AATK: variants seen among roughly 807,000 people sequenced by gnomAD.
AATK encodes lemur tail kinase 1, also known as serine/threonine-protein kinase LMTK1.
Under a neutral mutation model 114.3 loss-of-function variants are expected in AATK, and 91 were observed. That is an observed-to-expected ratio of 0.80 (90% CI 0.67 to 0.95). The LOEUF (loss-of-function observed/expected upper bound fraction) is 0.95. Ranked by LOEUF, AATK falls within the 40% of genes least tolerant of loss-of-function variation. The pLI, the probability that AATK is intolerant of heterozygous loss-of-function variation, is 0.00. For missense variants in AATK, 2,176 were observed against 1,965.2 expected (o/e 1.11, Z -2.03); for synonymous variants, 1,075 against 916.5 (o/e 1.17, Z -3.12).
intron 3 of AATK, 80 bp downstream of exon 3, chr17:81,130,981 C>T (rs2060921931): frequency 1.3e-6 from 2 of 1,482,712 alleles, no homozygotes; most frequent in Non-Finnish European, 1.8e-6. Flanking sequence ...GCTGAGTCTT[C>T]CGGTCTCCCC....
At chr17:81,141,640 G>A (rs2061139927) in intron 1 of AATK, among the ~76,000 whole-genome samples, 1 of 152,214 alleles carries the variant, frequency 6.6e-6, no homozygotes, top group South Asian at 2.1e-4. Flanking sequence ...GGCCCAGCAA[G>A]GGTGGGGGTG....
intron 2 of AATK, chr17:81,132,684 C>T (rs867252635): frequency 9.0e-6 from 3 of 331,970 alleles, no homozygotes; most frequent in South Asian, 2.2e-5. Context: ...CCGGGTCCTG[C>T]CGATACAGCG....
intron 1 of AATK, among the ~76,000 whole-genome samples, chr17:81,135,128 C>A (rs957397334): frequency 2.0e-5 from 3 of 152,202 alleles, no homozygotes; most frequent in Non-Finnish European, 1.5e-5. Context: ...TCCTGGGAAC[C>A]ATGGGGAAAC....
At chr17:81,140,721 GGCTGT>G (rs2061113957) in intron 1 of AATK, among the ~76,000 whole-genome samples, 4 of 129,954 alleles carry the variant, frequency 3.1e-5, no homozygotes, top group South Asian at 5.5e-4. Flanking sequence ...GAGACCGTGG[GGCTGT>G]GAGCCGTGGG....
At chr17:81,158,515 G>A (rs1185415278) in intron 1 of AATK, among the ~76,000 whole-genome samples, 1 of 152,262 alleles carries the variant, frequency 6.6e-6, no homozygotes, top group Non-Finnish European at 1.5e-5. Flanking sequence ...CCTGCACAGG[G>A]TCACGGGAAG....
chr17:81,149,102 C>T (rs1316484487), intron 1 of AATK, among the ~76,000 whole-genome samples: 2 of 152,130 alleles, frequency 1.3e-5, no homozygotes, highest in Non-Finnish European at 1.5e-5. Context: ...ATGGCCATCC[C>T]GAGAGCTGCA....
intron 1 of AATK, among the ~76,000 whole-genome samples, chr17:81,139,973 A>G (rs1567819063): frequency 6.6e-6 from 1 of 152,176 alleles, no homozygotes; most frequent in Non-Finnish European, 1.5e-5. Context: ...AGCCTTGTCC[A>G]CTGGCCCTGA....
chr17:81,126,871 GGGCTGGTGGTCGAGGGTTGGCC>G lies in AATK; in HGVS notation c.622-333_622-312del. 1 of 1,184,394 alleles carries G rather than the reference GGGCTGGTGGTCGAGGGTTGGCC, an allele frequency of 8.4e-7. No homozygotes were observed. The allele number at this position is 1,184,394 out of a possible 1,614,324, so 73.4% of individuals were successfully genotyped here. A position where few individuals can be genotyped will look rare whatever the true frequency, so the allele number is the denominator to read the frequency against. On this transcript the variant is annotated intron_variant, in intron 6 of 13. Coordinates refer to ENST00000326724, the MANE Select transcript of AATK (RefSeq NM_001080395.3). The surrounding 1 kb of genome is among the most constrained non-coding windows in gnomAD (Gnocchi z 5.1). ...AAGTGGATCTGCTTGATGGAGTCTGGGGCTGGTGGTCGAGGGTTGGCCGGCAGCCCCTGACCTGCCGAAAGCC... is the reference window on the plus strand; with the variant it reads ...AAGTGGATCTGCTTGATGGAGTCTGGGGCAGCCCCTGACCTGCCGAAAGCC...
intron 1 of AATK, among the ~76,000 whole-genome samples, chr17:81,154,083 C>T (rs560758875): frequency 2.5e-5 from 2 of 78,492 alleles, no homozygotes; most frequent in African/African-American, 6.0e-5. Context: ...TCTCAAAAAA[C>T]AAAACAAAAC....
chr17:81,159,141 C>T (rs549742921), intron 1 of AATK, among the ~76,000 whole-genome samples: 1 of 152,222 alleles, frequency 6.6e-6, no homozygotes, highest in African/African-American at 2.4e-5. Context: ...CGTGCCATGG[C>T]TGCACTCTTG....
chr17:81,125,439 G>T, intron 7 of AATK: 1 of 424,318 alleles, frequency 2.4e-6, no homozygotes, highest in East Asian at 6.2e-5. Flanking sequence ...TGTCCCAGGG[G>T]TCCTGCCGGC....
At position 81,126,380 on chromosome 17, in the gene AATK, G is replaced by T. The variant is rs1452850297; in HGVS notation, c.755+47C>A. ...GCCCTATGCCCTTCCTTCAGGGGAGGGGCCTGGCCTAGGGCTTCCCGGCCG... is the reference window on the plus strand; with the variant it reads ...GCCCTATGCCCTTCCTTCAGGGGAGTGGCCTGGCCTAGGGCTTCCCGGCCG... On this transcript the variant is annotated intron_variant, in intron 7 of 13. Transcript: ENST00000326724. The surrounding 1 kb of genome is among the most constrained non-coding windows in gnomAD (Gnocchi z 5.1). 1 of 1,523,422 alleles carries T rather than the reference G, an allele frequency of 6.6e-7. No individual in the cohort carries two copies. The highest frequency in any genetic ancestry group is 1.2e-5 in the South Asian group (1 of 82,740). The allele number at this position is 1,523,422 out of a possible 1,614,324, so 94.4% of individuals were successfully genotyped here.
chr17:81,123,450 G>T, intron 9 of AATK, 107 bp from the exon 10 acceptor site: 1 of 1,067,842 alleles, frequency 9.4e-7, no homozygotes, highest in Non-Finnish European at 1.2e-6. Context: ...TCACGCCAGT[G>T]CCTCAGGACC....
At chr17:81,118,852 TCTC>T (rs962553963) in intron 13 of AATK, among the ~76,000 whole-genome samples, 4 of 152,162 alleles carry the variant, frequency 2.6e-5, no homozygotes, top group Non-Finnish European at 5.9e-5. Flanking sequence ...CAGGGGGCCT[TCTC>T]CGAGGAGGTG....
At chr17:81,140,667 C>T (rs559155784) in intron 1 of AATK, among the ~76,000 whole-genome samples, 108 of 132,072 alleles carry the variant, frequency 8.2e-4, no homozygotes, top group African/African-American at 2.9e-3. Flanking sequence ...ACCGTGGGGC[C>T]GTGGGGACCA....
At chr17:81,144,083 G>A (rs2061181334) in intron 1 of AATK, among the ~76,000 whole-genome samples, 1 of 152,182 alleles carries the variant, frequency 6.6e-6, no homozygotes, top group Non-Finnish European at 1.5e-5. Context: ...TCCCCGCTCG[G>A]CCCTTCAGGA....
intron 1 of AATK, among the ~76,000 whole-genome samples, chr17:81,158,283 C>T (rs532254528): frequency 2.8e-4 from 42 of 152,360 alleles, no homozygotes; most frequent in Non-Finnish European, 5.6e-4. Context: ...CCGTCCTCCC[C>T]GTCATTCATC....
intron 3 of AATK, chr17:81,128,799 T>C (rs1168281528): frequency 1.5e-6 from 2 of 1,292,894 alleles, no homozygotes; most frequent in African/African-American, 3.0e-5. Flanking sequence ...CTGGAGAAGG[T>C]GCCTGAAGCC....
chr17:81,128,393 TAGG>T (rs58047278), intron 4 of AATK, 74 bp downstream of exon 4: 786,176 of 1,518,476 alleles, frequency 0.52, 208,040 homozygotes, highest in East Asian at 0.76. Flanking sequence ...GGGTGGCTCC[TAGG>T]AGGAGCAGGT....
Sources: allele counts gnomAD v4.1 joint callset (sites outside exome capture counted in the v4.1 genomes callset), GRCh38; gene constraint gnomAD v4.1.1; non-coding constraint Gnocchi (gnomAD v3.1); transcripts MANE v1.5; gene names NCBI Gene and HGNC (gene_info 2026-07-23, HGNC 2026-07-21).